The following MAPK10 variants were observed in gnomAD, a reference collection of about 807,000 sequenced individuals.
The protein encoded by MAPK10 is mitogen-activated protein kinase 10, also known as JNK3 alpha protein kinase.
In MAPK10, 25 loss-of-function variants were observed where a neutral mutation model predicts 59.3. That is an observed-to-expected ratio of 0.42 (90% CI 0.31 to 0.59). MAPK10 has a LOEUF of 0.59. Ranked by LOEUF, MAPK10 falls within the 20% of genes least tolerant of loss-of-function variation. The pLI, the probability that MAPK10 is intolerant of heterozygous loss-of-function variation, is 0.15. For missense variants in MAPK10, 351 were observed against 568.9 expected (o/e 0.62, Z 3.90); for synonymous variants, 190 against 200.5 (o/e 0.95, Z 0.44).
intron 1 of MAPK10, among the ~76,000 whole-genome samples, chr4:86,389,986 T>C (rs1198213269): frequency 6.6e-6 from 1 of 152,202 alleles, no homozygotes; most frequent in Non-Finnish European, 1.5e-5. Context: ...TTTAAAATAA[T>C]AATTATAGAG....
chr4:86,324,585 T>C (rs2095979036), intron 2 of MAPK10, among the ~76,000 whole-genome samples: 1 of 152,188 alleles, frequency 6.6e-6, no homozygotes, highest in Admixed American at 6.5e-5. Context: ...CTCTCCTTCC[T>C]CTCAGAAATT....
chr4:86,505,315 AT>A (rs1564960835), intron 1 of MAPK10, among the ~76,000 whole-genome samples: 1 of 152,116 alleles, frequency 6.6e-6, no homozygotes, highest in South Asian at 2.1e-4. Flanking sequence ...AGTTTAAATT[AT>A]TTTTTAAAAA....
At chr4:86,236,282 T>G (rs967900231) in intron 2 of MAPK10, among the ~76,000 whole-genome samples, 2 of 152,190 alleles carry the variant, frequency 1.3e-5, no homozygotes, top group African/African-American at 4.8e-5. Context: ...TCACATAATA[T>G]AACATATTCA....
At chr4:86,136,076 G>T (rs1284817503) in intron 4 of MAPK10, among the ~76,000 whole-genome samples, 2 of 152,208 alleles carry the variant, frequency 1.3e-5, no homozygotes, top group Non-Finnish European at 2.9e-5. Flanking sequence ...ACCTGAAAGT[G>T]ATGGGGAGAA....
chr4:86,413,149 A>T (rs997951868), intron 1 of MAPK10, among the ~76,000 whole-genome samples: 4 of 152,092 alleles, frequency 2.6e-5, no homozygotes, highest in African/African-American at 9.7e-5. Flanking sequence ...TTTTCCTTCT[A>T]ACAGTCAGGC....
chr4:86,288,382 T>A (rs993140615), intron 2 of MAPK10, among the ~76,000 whole-genome samples: 2 of 133,750 alleles, frequency 1.5e-5, no homozygotes, highest in African/African-American at 5.6e-5. Flanking sequence ...CTATGAAATC[T>A]AAGATGCTCT....
At chr4:86,563,920 C>T (rs1270935096) in intron 1 of MAPK10, among the ~76,000 whole-genome samples, 1 of 152,178 alleles carries the variant, frequency 6.6e-6, no homozygotes, top group African/African-American at 2.4e-5. Flanking sequence ...CCACCTCCAC[C>T]TTCCGTATTC....
rs753544734 is a variant in MAPK10 at position 86,062,575 on chromosome 4, G to T, written c.1110+1691C>A. ...TCTAGGCCACAATGCATTAAAAACA[G>T]ATTATACATATTAAGTTAGATATAA... On this transcript the variant is annotated intron_variant, in intron 11 of 13. Transcript: ENST00000641462. 4.1e-4 allele frequency among the ~76,000 whole-genome samples: 62 copies of T among 151,986 alleles called. 1 individual carries two copies. Among genetic ancestry groups the T allele is most frequent in the Admixed American group, 1.3e-3 (20 of 15,244 alleles).
chr4:86,183,655 A>C (rs2077451269), intron 3 of MAPK10, among the ~76,000 whole-genome samples: 1 of 152,206 alleles, frequency 6.6e-6, no homozygotes, highest in South Asian at 2.1e-4. Flanking sequence ...GTATATACCC[A>C]GTAATGGGAT....
At chr4:86,490,970 G>A (rs886385006) in intron 1 of MAPK10, among the ~76,000 whole-genome samples, 1 of 152,168 alleles carries the variant, frequency 6.6e-6, no homozygotes, top group Admixed American at 6.5e-5. Flanking sequence ...ATACAGAGTC[G>A]CTGACTTTAA....
chr4:86,561,861 G>C (rs1250472636), intron 1 of MAPK10, among the ~76,000 whole-genome samples: 3 of 152,134 alleles, frequency 2.0e-5, no homozygotes, highest in Admixed American at 1.3e-4. Flanking sequence ...TTCTTCTTTT[G>C]CAATTCTTGT....
At chr4:86,227,187 A>G (rs1432787770) in intron 2 of MAPK10, among the ~76,000 whole-genome samples, 3 of 151,448 alleles carry the variant, frequency 2.0e-5, no homozygotes, top group African/African-American at 7.3e-5. Context: ...GAATATAAAG[A>G]TGATTAGAAA....
chr4:86,120,129 C>T (rs566928483), intron 4 of MAPK10: 1 of 152,336 alleles, frequency 6.6e-6, no homozygotes, highest in Admixed American at 6.5e-5. Context: ...GGATACTTCC[C>T]TAGGCAAAAG....
chr4:86,415,061 C>T (rs549058532), intron 1 of MAPK10, among the ~76,000 whole-genome samples: 2 of 151,594 alleles, frequency 1.3e-5, no homozygotes, highest in South Asian at 4.2e-4. Flanking sequence ...GATTGCTTGA[C>T]CCTGGAGGTC....
intron 4 of MAPK10, among the ~76,000 whole-genome samples, chr4:86,155,061 A>C (rs1288432688): frequency 6.6e-6 from 1 of 152,072 alleles, no homozygotes; most frequent in Non-Finnish European, 1.5e-5. Context: ...TTATTAGTTC[A>C]AGGGTGATTA....
chr4:86,525,169 C>T (rs566849493), intron 1 of MAPK10, among the ~76,000 whole-genome samples: 3 of 152,106 alleles, frequency 2.0e-5, no homozygotes, highest in Admixed American at 1.3e-4. Flanking sequence ...TGGTGGTGCC[C>T]TCCTGTTGTC....
intron 2 of MAPK10, chr4:86,325,917 T>C (rs1374214759): frequency 6.6e-6 from 1 of 152,246 alleles, no homozygotes; most frequent in Admixed American, 6.5e-5. Context: ...TCATGCAGCA[T>C]GTCAGAGGAC....
At chr4:86,482,570 G>T (rs1753689866) in intron 1 of MAPK10, among the ~76,000 whole-genome samples, 1 of 152,106 alleles carries the variant, frequency 6.6e-6, no homozygotes, top group Non-Finnish European at 1.5e-5. Context: ...AATATGCCTT[G>T]TTCCAACAAT....
intron 1 of MAPK10, among the ~76,000 whole-genome samples, chr4:86,518,830 T>C (rs1756904517): frequency 6.6e-6 from 1 of 152,218 alleles, no homozygotes; most frequent in African/African-American, 2.4e-5. Context: ...TATTGTTCAG[T>C]TCAAATAATT....
Sources: gnomAD v4.1 joint callset for allele counts (sites outside exome capture counted in the v4.1 genomes callset) on GRCh38, gnomAD v4.1.1 for gene constraint, MANE v1.5 for transcripts, NCBI Gene and HGNC (gene_info 2026-07-23, HGNC 2026-07-21) for gene names.